Variants in FER1L6 observed in about 807,000 individuals in gnomAD.
FER1L6 encodes the protein fer-1 like family member 6, also known as fer-1-like protein 6.
A neutral mutation model predicts 219.2 loss-of-function variants in FER1L6; 177 were observed. The observed-to-expected ratio is 0.81, with a 90% confidence interval of 0.71 to 0.91. The LOEUF (loss-of-function observed/expected upper bound fraction) is 0.91, where lower values mean the gene tolerates loss of function less well. Ranked by LOEUF, FER1L6 falls within the 40% of genes least tolerant of loss-of-function variation. The pLI, the probability that FER1L6 is intolerant of heterozygous loss-of-function variation, is 0.00. For missense variants in FER1L6, 2,153 were observed against 2,259.9 expected (o/e 0.95, Z 0.96); for synonymous variants, 768 against 824.3 (o/e 0.93, Z 1.17).
intron 14 of FER1L6, among the ~76,000 whole-genome samples, chr8:124,011,840 G>A (rs1004121702): frequency 6.6e-6 from 1 of 152,110 alleles, no homozygotes; most frequent in African/African-American, 2.4e-5. Flanking sequence ...ATATTTGTGT[G>A]TTTATTTGTT....
chr8:123,951,212 C>T (rs901532878), intron 1 of FER1L6, among the ~76,000 whole-genome samples: 68 of 152,260 alleles, frequency 4.5e-4, no homozygotes, highest in African/African-American at 1.5e-3. Flanking sequence ...AACCACCGAG[C>T]CTTTGTCCCA....
chr8:123,892,703 G>A (rs752312184), intron 1 of FER1L6, among the ~76,000 whole-genome samples: 1 of 152,186 alleles, frequency 6.6e-6, no homozygotes, highest in African/African-American at 2.4e-5. Context: ...CTAAACAAAT[G>A]ACTATTTTAT....
intron 13 of FER1L6, among the ~76,000 whole-genome samples, chr8:124,005,616 A>G (rs1817622950): frequency 6.6e-6 from 1 of 152,242 alleles, no homozygotes; most frequent in South Asian, 2.1e-4. Flanking sequence ...GAGCATGTTG[A>G]GGCCAGGGAC....
At chr8:124,070,398 G>C in intron 29 of FER1L6, 69 bp from the exon 30 acceptor site, 2 of 1,559,806 alleles carry the variant, frequency 1.3e-6, no homozygotes, top group African/African-American at 1.4e-5. Context: ...GGAGAATCTT[G>C]GCATTTCTCA....
At chr8:123,994,261 G>A (rs1376864658) in intron 12 of FER1L6, among the ~76,000 whole-genome samples, 1 of 152,124 alleles carries the variant, frequency 6.6e-6, no homozygotes. Context: ...TTATCAGTGT[G>A]GGTGGAGGCT....
intron 1 of FER1L6, among the ~76,000 whole-genome samples, chr8:123,903,993 TC>T (rs1302510814): frequency 6.6e-6 from 1 of 152,164 alleles, no homozygotes; most frequent in African/African-American, 2.4e-5. Context: ...AGCAGAGGCC[TC>T]CTCCGAAGCT....
intron 18 of FER1L6, among the ~76,000 whole-genome samples, chr8:124,034,898 G>A (rs139649141): frequency 5.6e-4 from 85 of 152,250 alleles, no homozygotes; most frequent in African/African-American, 1.8e-3. Context: ...TTTGACTTTC[G>A]TCTCTGTCAC....
In FER1L6 at chr8:123,996,990, T is replaced by A. The variant is rs540634324; in HGVS notation, c.1520-6177T>A. On this transcript the variant is annotated intron_variant, in intron 12 of 40. Transcript: ENST00000522917. ...GTCTTAAAGTTGTTGTAGTTATTTG[T>A]TTTTGATAGGTTCGTCTTTTAGTTT... 2.6e-5 allele frequency among the ~76,000 whole-genome samples: 4 copies of A among 152,266 alleles called. No individual in the cohort carries two copies. In the East Asian group the frequency reaches 7.7e-4, roughly 29 times the overall value.
chr8:123,895,858 C>A (rs1460827103), intron 1 of FER1L6, among the ~76,000 whole-genome samples: 1 of 152,120 alleles, frequency 6.6e-6, no homozygotes. Context: ...GTCAAATTTA[C>A]AAAGAGTGTT....
At chr8:123,858,042 A>G (rs1816679419) in intron 1 of FER1L6, among the ~76,000 whole-genome samples, 1 of 152,144 alleles carries the variant, frequency 6.6e-6, no homozygotes, top group Admixed American at 6.5e-5. Flanking sequence ...TCATTTGGCC[A>G]GGGACTGGGG....
intron 1 of FER1L6, among the ~76,000 whole-genome samples, chr8:123,907,633 C>T (rs73703699): frequency 6.7e-6 from 1 of 150,136 alleles, no homozygotes; most frequent in African/African-American, 2.4e-5. Context: ...TACTACTCCC[C>T]AGTATGAGAA....
At chr8:123,981,012 C>G (rs375477178) in intron 11 of FER1L6, among the ~76,000 whole-genome samples, 6 of 152,174 alleles carry the variant, frequency 3.9e-5, no homozygotes, top group African/African-American at 9.7e-5. Flanking sequence ...TGATAAATTC[C>G]TTTGAATCCC....
intron 16 of FER1L6, among the ~76,000 whole-genome samples, chr8:124,020,760 A>C (rs1586600215): frequency 6.6e-6 from 1 of 152,132 alleles, no homozygotes; most frequent in East Asian, 1.9e-4. Context: ...AACCTACCTC[A>C]TAAGGCTGTT....
intron 1 of FER1L6, among the ~76,000 whole-genome samples, chr8:123,875,764 G>T (rs1311856070): frequency 6.6e-6 from 1 of 151,938 alleles, no homozygotes; most frequent in African/African-American, 2.4e-5. Flanking sequence ...AGTTTCTCAG[G>T]CAAAAAGCTT....
intron 1 of FER1L6, among the ~76,000 whole-genome samples, chr8:123,915,436 A>G (rs1383043645): frequency 1.3e-5 from 2 of 152,142 alleles, no homozygotes; most frequent in Admixed American, 6.5e-5. Flanking sequence ...CTGCAAAGTA[A>G]TTTGGTAGAA....
At chr8:124,002,119 G>A (rs961712595) in intron 12 of FER1L6, among the ~76,000 whole-genome samples, 6 of 152,202 alleles carry the variant, frequency 3.9e-5, no homozygotes, top group Non-Finnish European at 8.8e-5. Flanking sequence ...ATCCCCACAC[G>A]AAGCTGTGAG....
chr8:124,075,336 A>T (rs1821234422), intron 31 of FER1L6, among the ~76,000 whole-genome samples: 1 of 131,290 alleles, frequency 7.6e-6, no homozygotes, highest in Non-Finnish European at 1.9e-5. Flanking sequence ...AAACTAAAAC[A>T]AACACACACA....
At chr8:124,097,072 G>GATATATATATATATATATAT (rs565301549) in intron 35 of FER1L6, among the ~76,000 whole-genome samples, 199 bp from the exon 36 acceptor site, 55 of 146,782 alleles carry the variant, frequency 3.7e-4, no homozygotes, top group African/African-American at 1.3e-3. Context: ...AATTCCTAAA[G>GATATATATATATATATATAT]ATATATATAT....
chr8:124,098,449 T>A (rs1456135197), intron 37 of FER1L6, among the ~76,000 whole-genome samples: 2 of 152,216 alleles, frequency 1.3e-5, no homozygotes, highest in African/African-American at 4.8e-5. Flanking sequence ...TCTCTCAGCC[T>A]TATGCTAATA....
Sources: gnomAD v4.1 joint callset for allele counts (sites outside exome capture counted in the v4.1 genomes callset) on GRCh38, gnomAD v4.1.1 for gene constraint, MANE v1.5 for transcripts, NCBI Gene and HGNC (gene_info 2026-07-23, HGNC 2026-07-21) for gene names.